THSD4: variants seen among roughly 807,000 people sequenced by gnomAD.
THSD4 encodes thrombospondin type-1 domain-containing protein 4.
In THSD4, 69 loss-of-function variants were observed where a neutral mutation model predicts 119.0. The ratio of observed to expected loss-of-function variants is 0.58; its 90% confidence interval spans 0.48 to 0.71. The LOEUF (loss-of-function observed/expected upper bound fraction) is 0.71, where lower values mean the gene tolerates loss of function less well. THSD4 is among the 30% of genes least tolerant of loss of function. The pLI is 0.00. For synonymous variants in THSD4, 524 were observed against 540.4 expected, an observed-to-expected ratio of 0.97 and a Z score of 0.42; for missense variants, 1,393 against 1,391.1, an observed-to-expected ratio of 1.00 and a Z score of -0.02.
chr15:71,748,987 T>C (rs532033974), intron 14 of THSD4, among the ~76,000 whole-genome samples: 1 of 152,380 alleles, frequency 6.6e-6, no homozygotes, highest in South Asian at 2.1e-4. Flanking sequence ...CCCAGTAGCC[T>C]GGCCTCCCAT....
rs533592515 is a variant in THSD4 at position 71,782,254 on chromosome 15, G to A, written c.*4880G>A. ...TCATTTCAGCAGATAATGATGGAGG[G>A]GGGGGGTGTCCATCGTGCTGAGGGT... On this transcript the variant is annotated 3_prime_UTR_variant, in exon 18 of 18. Coordinates refer to ENST00000261862, the MANE Select transcript of THSD4 (RefSeq NM_024817.3). 6.6e-6 allele frequency: 1 copy of A among 151,918 alleles called. No individual in the cohort carries two copies. The allele number at this position is 151,918 out of a possible 1,614,324, so 9.4% of individuals were successfully genotyped here. A position where few individuals can be genotyped will look rare whatever the true frequency, so the allele number is the denominator to read the frequency against.
In THSD4 at chr15:71,558,406, A is replaced by T. The variant is rs192395843; in HGVS notation, c.1153-102124A>T. 1.5e-3 allele frequency among the ~76,000 whole-genome samples: 235 copies of T among 152,220 alleles called. 2 individuals carry two copies. Among genetic ancestry groups the T allele is most frequent in the African/African-American group, 5.3e-3 (222 of 41,536 alleles). Reference sequence around the variant, plus strand: ...CTGTTCTAATGTATTAAAGATGGCAATTTTTTCTTGTAGTGTTACTTATGT... The same window carrying T: ...CTGTTCTAATGTATTAAAGATGGCATTTTTTTCTTGTAGTGTTACTTATGT... On this transcript the variant is annotated intron_variant, in intron 7 of 17. Coordinates refer to ENST00000261862, the MANE Select transcript of THSD4 (RefSeq NM_024817.3).
intron 7 of THSD4, among the ~76,000 whole-genome samples, chr15:71,524,763 A>ATTTTTTT (rs35666244): frequency 8.6e-6 from 1 of 116,104 alleles, no homozygotes; most frequent in Non-Finnish European, 1.7e-5. Context: ...CGCCCGGCTA[A>ATTTTTTT]TTTTTTTTTT....
intron 3 of THSD4, 88 bp downstream of exon 3, chr15:71,155,020 G>A (rs1421243796): frequency 7.9e-7 from 1 of 1,271,574 alleles, no homozygotes; most frequent in African/African-American, 1.5e-5. Context: ...TCTGTTTGAA[G>A]GTGAGTCACC....
intron 8 of THSD4, among the ~76,000 whole-genome samples, chr15:71,669,371 T>G (rs923480131): frequency 6.6e-6 from 1 of 152,224 alleles, no homozygotes; most frequent in Admixed American, 6.5e-5. Flanking sequence ...TTATCTTACA[T>G]TTCAACTCTG....
chr15:71,547,777 A>AT, intron 7 of THSD4: 2 of 220,476 alleles, frequency 9.1e-6, no homozygotes, highest in Non-Finnish European at 8.6e-6. Context: ...CTGCTGTAGC[A>AT]GAAAAAAAAA....
intron 6 of THSD4, among the ~76,000 whole-genome samples, chr15:71,408,088 T>C (rs12442632): frequency 0.43 from 65,336 of 151,934 alleles, 16,286 homozygotes; most frequent in Middle Eastern, 0.6. Flanking sequence ...GTTTTCCCAC[T>C]TTCCCTGCAC....
At chr15:71,318,076 T>G (rs2045216066) in intron 6 of THSD4, among the ~76,000 whole-genome samples, 1 of 152,046 alleles carries the variant, frequency 6.6e-6, no homozygotes, top group Non-Finnish European at 1.5e-5. Context: ...TGGGGGGCAG[T>G]AGGGAAGGGA....
At chr15:71,298,434 T>C (rs1596321980) in intron 6 of THSD4, among the ~76,000 whole-genome samples, 2 of 152,252 alleles carry the variant, frequency 1.3e-5, no homozygotes, top group South Asian at 2.1e-4. Context: ...CATCCCACTG[T>C]TATTTTGCTA....
At chr15:71,199,818 CACGTGTGGGGTGTG>C (rs1567154976) in intron 3 of THSD4, among the ~76,000 whole-genome samples, 15 of 24,006 alleles carry the variant, frequency 6.2e-4, no homozygotes, top group Non-Finnish European at 6.3e-4. Flanking sequence ...GTGTGTGATG[CACGTGTGGGGTGTG>C]TGTGTGTGTG....
chr15:71,238,465 A>G (rs2044125091), intron 4 of THSD4, among the ~76,000 whole-genome samples: 1 of 152,000 alleles, frequency 6.6e-6, no homozygotes, highest in African/African-American at 2.4e-5. Context: ...TTTAGCAGTC[A>G]CTCTCTTTTC....
chr15:71,316,390 C>T (rs2140355513), intron 6 of THSD4, among the ~76,000 whole-genome samples: 1 of 152,282 alleles, frequency 6.6e-6, no homozygotes, highest in South Asian at 2.1e-4. Flanking sequence ...ACTGGTGGGA[C>T]ATCTTCAGTC....
At chr15:71,536,759 G>T (rs888100372) in intron 7 of THSD4, among the ~76,000 whole-genome samples, 5 of 152,014 alleles carry the variant, frequency 3.3e-5, no homozygotes, top group African/African-American at 1.2e-4. Context: ...TAATTATAGT[G>T]ACCATGATGT....
intron 14 of THSD4, among the ~76,000 whole-genome samples, chr15:71,757,432 T>A (rs929257025): frequency 6.6e-6 from 1 of 150,644 alleles, no homozygotes; most frequent in Non-Finnish European, 1.5e-5. Context: ...TATATTTTTT[T>A]ATTTTTATTT....
chr15:71,674,792 C>A (rs2051606339), intron 8 of THSD4, among the ~76,000 whole-genome samples: 1 of 152,096 alleles, frequency 6.6e-6, no homozygotes, highest in Non-Finnish European at 1.5e-5. Context: ...CTGCTGGCAT[C>A]TGTCGATAGA....
rs533486918 is a variant in THSD4 at position 71,469,371 on chromosome 15, T to A, written c.1152+57548T>A. On this transcript the variant is annotated intron_variant, in intron 7 of 17. Coordinates refer to ENST00000261862, the MANE Select transcript of THSD4 (RefSeq NM_024817.3). ...AGTTGTAGTTGACTTAACATTACAT[T>A]TTCAGATTTTCCAGCTCTCAGAATG... Among the ~76,000 whole-genome samples, 4 of 152,266 alleles carry A rather than the reference T, an allele frequency of 2.6e-5. No homozygotes were observed. In the East Asian group the frequency reaches 7.7e-4, roughly 29 times the overall value.
chr15:71,682,855 A>ACTTTCTTTCTTTCTTTCTTT (rs58309087), intron 8 of THSD4, among the ~76,000 whole-genome samples: 10 of 108,926 alleles, frequency 9.2e-5, no homozygotes, highest in African/African-American at 3.7e-4. Context: ...CTCTTTTGCT[A>ACTTTCTTTCTTTCTTTCTTT]CTTTCTTTCT....
At chr15:71,411,507 A>G (rs749185949) in intron 6 of THSD4, among the ~76,000 whole-genome samples, 180 bp from the exon 7 acceptor site, 1 of 152,194 alleles carries the variant, frequency 6.6e-6, no homozygotes, top group African/African-American at 2.4e-5. Context: ...GCGGTTGGAC[A>G]CACAACCTTA....
At chr15:71,212,565 C>T (rs1262864201) in intron 3 of THSD4, among the ~76,000 whole-genome samples, 3 of 152,210 alleles carry the variant, frequency 2.0e-5, no homozygotes, top group African/African-American at 7.2e-5. Context: ...CATATTTCTG[C>T]CTTTGTTCGT....
Sources: allele counts gnomAD v4.1 joint callset (sites outside exome capture counted in the v4.1 genomes callset), GRCh38; gene constraint gnomAD v4.1.1; transcripts MANE v1.5; gene names NCBI Gene and HGNC (gene_info 2026-07-23, HGNC 2026-07-21).